Variants in AR observed in about 807,000 individuals in gnomAD.
AR encodes the protein dihydrotestosterone receptor.
AR carries 8 observed loss-of-function variants against 53.9 expected under a neutral mutation model. That is an observed-to-expected ratio of 0.15 (90% confidence interval 0.09 to 0.27). The LOEUF is 0.27. Among genes scored for constraint, AR ranks in the 10% least tolerant of loss-of-function variants. The pLI is 1.00. For missense variants in AR, 639 were observed against 742.5 expected (o/e 0.86, Z 1.62); for synonymous variants, 359 against 316.4 (o/e 1.13, Z -1.43).
chrX:67,634,883 G>C (rs1287849771), intron 1 of AR, among the ~76,000 whole-genome samples: 2 of 111,388 alleles, frequency 1.8e-5, no homozygotes, highest in Non-Finnish European at 3.8e-5. Flanking sequence ...TAAACACAAG[G>C]AAAAATATTA....
chrX:67,667,929 A>T (rs758081091), intron 2 of AR, among the ~76,000 whole-genome samples: 1 of 111,910 alleles, frequency 8.9e-6, no homozygotes, highest in Non-Finnish European at 1.9e-5. Context: ...CCGCAACTTT[A>T]CTGAATTTGT....
chrX:67,728,976 C>G lies in AR; in HGVS notation c.*5135C>G, dbSNP rs1330566560. On this transcript the variant is annotated 3_prime_UTR_variant, in exon 8 of 8. Coordinates refer to ENST00000374690, the MANE Select transcript of AR (RefSeq NM_000044.6). ...GCCTACCCAAGTGATTGACCAGTGG[C>G]CCCCTAATGGGACCTGAGCTGTTGG... The G allele has an allele frequency of 1.7e-5, 3 of 172,748 alleles. No individual in the cohort carries two copies. Among genetic ancestry groups the G allele is most frequent in the Non-Finnish European group, 3.3e-5 (3 of 90,593 alleles). 14.2% of individuals were successfully genotyped at this position (172,748 alleles called of 1,213,427 possible). A position where few individuals can be genotyped will look rare whatever the true frequency, so the allele number is the denominator to read the frequency against.
intron 1 of AR, among the ~76,000 whole-genome samples, chrX:67,547,476 T>C (rs1929811528): frequency 1.8e-5 from 2 of 111,915 alleles, no homozygotes; most frequent in South Asian, 7.6e-4. Context: ...CAACGTTGGT[T>C]GACTATGTTG....
intron 1 of AR, among the ~76,000 whole-genome samples, chrX:67,575,766 A>G (rs1470618071): frequency 2.7e-5 from 3 of 111,799 alleles, no homozygotes; most frequent in African/African-American, 9.8e-5. Context: ...TAGTAACTTC[A>G]CATGCTATTT....
intron 3 of AR, among the ~76,000 whole-genome samples, chrX:67,711,006 C>T (rs1372425005): frequency 1.8e-5 from 2 of 112,283 alleles, no homozygotes; most frequent in Admixed American, 1.9e-4. Flanking sequence ...TCTTTTCTGT[C>T]ACCCAGAAGC....
intron 1 of AR, among the ~76,000 whole-genome samples, chrX:67,565,285 A>G (rs1243307366): frequency 8.9e-6 from 1 of 112,254 alleles, no homozygotes; most frequent in East Asian, 2.8e-4. Flanking sequence ...TCAGGCAGCC[A>G]TGCCCCGGAT....
intron 3 of AR, among the ~76,000 whole-genome samples, chrX:67,706,927 G>A (rs1025983159): frequency 1.9e-4 from 21 of 112,019 alleles, no homozygotes; most frequent in African/African-American, 6.8e-4. Context: ...TTCAGGAGCA[G>A]GTTGTTCAGT....
chrX:67,643,135 A>T, intron 1 of AR, 121 bp from the exon 2 acceptor site: 1 of 889,806 alleles, frequency 1.1e-6, no homozygotes, highest in Non-Finnish European at 1.6e-6. Flanking sequence ...CACACTAACT[A>T]ACTTGAGCAA....
At chrX:67,599,344 A>C (rs750378762) in intron 1 of AR, among the ~76,000 whole-genome samples, 2 of 112,143 alleles carry the variant, frequency 1.8e-5, no homozygotes, top group Non-Finnish European at 3.8e-5. Context: ...TGGCGTAGTG[A>C]GTTCACTACT....
chrX:67,595,636 CT>C (rs1923040931), intron 1 of AR, among the ~76,000 whole-genome samples: 1 of 67,745 alleles, frequency 1.5e-5, no homozygotes, highest in Non-Finnish European at 2.8e-5. Flanking sequence ...TAAACCCTGT[CT>C]TTCCAAAAAT....
chrX:67,608,691 TA>T (rs1923742116), intron 1 of AR, among the ~76,000 whole-genome samples: 1 of 112,165 alleles, frequency 8.9e-6, no homozygotes, highest in African/African-American at 3.2e-5. Flanking sequence ...TAAAAACAAG[TA>T]AAACATATCA....
intron 1 of AR, among the ~76,000 whole-genome samples, chrX:67,642,126 C>G (rs898676065): frequency 2.7e-5 from 3 of 111,577 alleles, no homozygotes; most frequent in Non-Finnish European, 5.6e-5. Context: ...GCTCATTTTC[C>G]TTCATTCCTT....
At chrX:67,655,542 G>A (rs192731144) in intron 2 of AR, among the ~76,000 whole-genome samples, 115 of 111,369 alleles carry the variant, frequency 1.0e-3, no homozygotes, top group Non-Finnish European at 1.8e-3. Context: ...GGATATGGAG[G>A]TATAGAGTGA....
intron 2 of AR, among the ~76,000 whole-genome samples, chrX:67,645,319 A>T (rs1361491853): frequency 2.7e-5 from 3 of 111,801 alleles, no homozygotes; most frequent in East Asian, 5.7e-4. Context: ...CATATCATAC[A>T]TCCCACATGG....
At chrX:67,717,120 C>T (rs1254803261) in intron 4 of AR, among the ~76,000 whole-genome samples, 1 of 111,474 alleles carries the variant, frequency 9.0e-6, no homozygotes, top group Admixed American at 9.5e-5. Context: ...ATCATGTACC[C>T]AAAATTATTT....
intron 1 of AR, among the ~76,000 whole-genome samples, chrX:67,628,980 A>G (rs1472764066): frequency 8.9e-6 from 1 of 111,779 alleles, no homozygotes; most frequent in Non-Finnish European, 1.9e-5. Context: ...CATCCCAAGG[A>G]TGAAGCCCAC....
chrX:67,694,396 C>T (rs2076009958), intron 3 of AR, among the ~76,000 whole-genome samples: 1 of 109,351 alleles, frequency 9.1e-6, no homozygotes, highest in Admixed American at 9.9e-5. Context: ...GATGCACGCA[C>T]ACATATATAT....
chrX:67,628,517 C>A (rs1302728872), intron 1 of AR, among the ~76,000 whole-genome samples: 1 of 108,366 alleles, frequency 9.2e-6, no homozygotes, highest in Non-Finnish European at 1.9e-5. Flanking sequence ...AGTTGCTTAT[C>A]AGCTTAAGGA....
chrX:67,546,305 A>G lies in AR; in HGVS notation c.1159A>G (p.Ile387Val), dbSNP rs2147320499. The change falls in exon 1 of 8, where the codon ATC becomes GTC. Residue 387 changes from isoleucine to valine, a missense_variant. Coordinates refer to ENST00000374690, the MANE Select transcript of AR (RefSeq NM_000044.6). ...GCCGCCTCCCCATCCCCACGCTCGC[A>G]TCAAGCTGGAGAACCCGCTGGACTA... ...PPPPPHPHARIKLENPLDYGS... is the reference protein window; with the variant it reads ...PPPPPHPHARVKLENPLDYGS... 4.2e-6 allele frequency: 5 copies of G among 1,200,268 alleles called. No homozygotes were observed. The highest frequency in any genetic ancestry group is 5.6e-6 in the Non-Finnish European group (5 of 890,428).
Sources: allele counts gnomAD v4.1 joint callset (sites outside exome capture counted in the v4.1 genomes callset), GRCh38; gene constraint gnomAD v4.1.1; transcripts MANE v1.5; gene names NCBI Gene and HGNC (gene_info 2026-07-23, HGNC 2026-07-21).